Variants in FSIP1 observed in about 807,000 individuals in gnomAD.
FSIP1 encodes fibrous sheath interacting protein 1, also known as fibrous sheath-interacting protein 1.
FSIP1 carries 65 observed loss-of-function variants against 60.9 expected under a neutral mutation model. That is an observed-to-expected ratio of 1.07 (90% confidence interval 0.87 to 1.31). The LOEUF is 1.31. FSIP1 is among the 40% of genes most tolerant of loss of function. FSIP1 has a pLI of 0.00. For synonymous variants in FSIP1, 209 were observed against 221.2 expected, an observed-to-expected ratio of 0.94 and a Z score of 0.49; for missense variants, 675 against 665.5, an observed-to-expected ratio of 1.01 and a Z score of -0.16.
intron 5 of FSIP1, among the ~76,000 whole-genome samples, chr15:39,763,449 G>C (rs985121730): frequency 6.6e-6 from 1 of 152,108 alleles, no homozygotes; most frequent in Non-Finnish European, 1.5e-5. Flanking sequence ...AGGACAAATC[G>C]GTCATAGATT....
intron 11 of FSIP1, among the ~76,000 whole-genome samples, chr15:39,616,600 C>T (rs181899606): frequency 4.6e-5 from 7 of 152,150 alleles, no homozygotes; most frequent in Admixed American, 4.6e-4. Context: ...AATCATTAGA[C>T]CAGATTAGCT....
Position 39,744,777 on chromosome 15 carries a change from T to TCACACACACACA in FSIP1, c.560-2889_560-2878dup, listed in dbSNP as rs55691651. On this transcript the variant is annotated intron_variant, in intron 5 of 11. Coordinates refer to ENST00000350221, the MANE Select transcript of FSIP1 (RefSeq NM_152597.5). ...CTCTCTCTCTCTCTCTCCCCCTCAG[T>TCACACACACACA]CACACACACACACACACACACACAC... is the stretch of plus-strand genomic sequence containing the variant. Among the ~76,000 whole-genome samples, 485 of 138,048 alleles carry TCACACACACACA rather than the reference T, an allele frequency of 3.5e-3. 4 individuals are homozygous for TCACACACACACA. Among genetic ancestry groups the TCACACACACACA allele is most frequent in the Admixed American group, 0.015 (209 of 13,488 alleles). The allele number at this position is 138,048 out of a possible 152,430, so 90.6% of individuals were successfully genotyped here.
intron 9 of FSIP1, among the ~76,000 whole-genome samples, chr15:39,725,671 C>T (rs1359592139): frequency 6.6e-6 from 1 of 152,200 alleles, no homozygotes; most frequent in Admixed American, 6.5e-5. Flanking sequence ...CTCTCTTATG[C>T]AATCAGACAT....
chr15:39,774,918 T>C (rs1898003775), intron 2 of FSIP1, among the ~76,000 whole-genome samples: 1 of 152,204 alleles, frequency 6.6e-6, no homozygotes, highest in African/African-American at 2.4e-5. Flanking sequence ...TGAGAACCCA[T>C]AATCCAGGTA....
intron 10 of FSIP1, among the ~76,000 whole-genome samples, chr15:39,688,357 T>C (rs1039252004): frequency 9.9e-5 from 15 of 152,196 alleles, no homozygotes; most frequent in African/African-American, 3.6e-4. Flanking sequence ...TTAAACATGC[T>C]CAGAACACTT....
chr15:39,674,305 C>A (rs925513498), intron 10 of FSIP1, among the ~76,000 whole-genome samples: 1 of 152,126 alleles, frequency 6.6e-6, no homozygotes, highest in Non-Finnish European at 1.5e-5. Context: ...CCGCCCGCCT[C>A]GGCCTCCCAA....
intron 10 of FSIP1, among the ~76,000 whole-genome samples, chr15:39,704,069 A>G (rs1895168668): frequency 6.6e-6 from 1 of 152,194 alleles, no homozygotes; most frequent in Non-Finnish European, 1.5e-5. Flanking sequence ...TAAGAGAACA[A>G]ATTTTTTAAC....
At chr15:39,695,006 AG>A (rs1894758328) in intron 10 of FSIP1, among the ~76,000 whole-genome samples, 1 of 152,118 alleles carries the variant, frequency 6.6e-6, no homozygotes, top group African/African-American at 2.4e-5. Context: ...TGCTGTCAGT[AG>A]GGTTTACATT....
At chr15:39,744,779 A>T (rs1204181544) in intron 5 of FSIP1, among the ~76,000 whole-genome samples, 12 of 51,798 alleles carry the variant, frequency 2.3e-4, no homozygotes, top group South Asian at 1.0e-3. Context: ...CCCCTCAGTC[A>T]CACACACACA....
chr15:39,744,102 T>C (rs985794763), intron 5 of FSIP1, among the ~76,000 whole-genome samples: 3 of 152,220 alleles, frequency 2.0e-5, no homozygotes, highest in African/African-American at 7.2e-5. Flanking sequence ...TGTGTATATG[T>C]GTGTCCTTGT....
chr15:39,724,905 G>A (rs1896128387), intron 9 of FSIP1, among the ~76,000 whole-genome samples: 1 of 144,950 alleles, frequency 6.9e-6, no homozygotes, highest in South Asian at 2.1e-4. Flanking sequence ...ATAGAATTCA[G>A]TAACATAAAT....
chr15:39,752,091 G>A (rs1456396974), intron 5 of FSIP1, among the ~76,000 whole-genome samples: 5 of 151,872 alleles, frequency 3.3e-5, no homozygotes, highest in African/African-American at 7.2e-5. Flanking sequence ...TCTAAATAAC[G>A]ATTAGTATAT....
rs1898314700 is a variant in FSIP1, at chr15:39,782,612, C to T, written c.-8+16G>A. 6.6e-6 allele frequency: 1 copy of T among 152,510 alleles called. No homozygotes were observed. Among genetic ancestry groups the T allele is most frequent in the African/African-American group, 2.4e-5 (1 of 41,466 alleles). The allele number at this position is 152,510 out of a possible 1,614,324, so 9.4% of individuals were successfully genotyped here. On this transcript the variant is annotated intron_variant, in intron 1 of 11. Coordinates refer to ENST00000350221, the MANE Select transcript of FSIP1 (RefSeq NM_152597.5). ...CCCCGCGACCGAGCTCCGCCCTCAT[C>T]TGCGCGGCCCCTCACCTTCCCGCCG...
intron 5 of FSIP1, among the ~76,000 whole-genome samples, chr15:39,758,578 A>G (rs1407174324): frequency 2.0e-5 from 3 of 152,094 alleles, no homozygotes; most frequent in African/African-American, 2.4e-5. Flanking sequence ...ACATTGAATG[A>G]AATATATTAG....
intron 10 of FSIP1, among the ~76,000 whole-genome samples, chr15:39,678,910 T>C (rs1894050606): frequency 6.6e-6 from 1 of 152,212 alleles, no homozygotes; most frequent in South Asian, 2.1e-4. Flanking sequence ...TTTTAGGTTT[T>C]TTAATTCTTT....
chr15:39,759,798 G>A (rs141800536), intron 5 of FSIP1, among the ~76,000 whole-genome samples: 34 of 152,204 alleles, frequency 2.2e-4, no homozygotes, highest in African/African-American at 6.5e-4. Flanking sequence ...CTCTGCCTCC[G>A]TCTTTGCAGC....
chr15:39,689,940 T>C (rs2140502257), intron 10 of FSIP1, among the ~76,000 whole-genome samples: 1 of 152,366 alleles, frequency 6.6e-6, no homozygotes, highest in East Asian at 1.9e-4. Flanking sequence ...ACCAGCCTTT[T>C]AGGTAGAAGG....
chr15:39,751,532 T>C (rs968605044), intron 5 of FSIP1, among the ~76,000 whole-genome samples: 2 of 151,240 alleles, frequency 1.3e-5, no homozygotes, highest in African/African-American at 4.9e-5. Flanking sequence ...CATAATACTA[T>C]GTGAAATAAG....
intron 10 of FSIP1, among the ~76,000 whole-genome samples, chr15:39,692,114 A>T (rs1195149854): frequency 2.0e-5 from 3 of 152,120 alleles, no homozygotes; most frequent in Non-Finnish European, 4.4e-5. Context: ...GTGCTTTGTA[A>T]TGTAGGGGGA....
Sources: gnomAD v4.1 joint callset for allele counts (sites outside exome capture counted in the v4.1 genomes callset) on GRCh38, gnomAD v4.1.1 for gene constraint, MANE v1.5 for transcripts, NCBI Gene and HGNC (gene_info 2026-07-23, HGNC 2026-07-21) for gene names.